The following PDE4D variants were observed in gnomAD, a reference collection of about 807,000 sequenced individuals.
The protein encoded by PDE4D is phosphodiesterase 4D.
PDE4D carries 24 observed loss-of-function variants against 87.4 expected under a neutral mutation model. The observed-to-expected ratio is 0.27, with a 90% CI of 0.20 to 0.39. PDE4D has a LOEUF of 0.39. Ranked by LOEUF, PDE4D falls within the 10% of genes least tolerant of loss-of-function variation. The probability of loss-of-function intolerance (pLI) is 1.00; values close to 1 mark genes in which losing one functional copy is unlikely to be tolerated. For missense variants in PDE4D, 714 were observed against 1,041.0 expected, an observed-to-expected ratio of 0.69 and a Z score of 4.32; for synonymous variants, 384 against 383.2, an observed-to-expected ratio of 1.00 and a Z score of -0.02.
intron 1 of PDE4D, among the ~76,000 whole-genome samples, chr5:59,874,157 C>G (rs1013804314): frequency 1.3e-5 from 2 of 152,094 alleles, no homozygotes; most frequent in Non-Finnish European, 1.5e-5. Flanking sequence ...GAGCCATAAT[C>G]ATGCCACTGC....
At chr5:60,460,633 T>C (rs1746853486) in intron 1 of PDE4D, 2 of 1,215,966 alleles carry the variant, frequency 1.6e-6, no homozygotes, top group South Asian at 1.2e-5. Flanking sequence ...TTTTTCTCCC[T>C]TCCTCAGCAA....
chr5:59,633,806 G>C (rs2150158257), intron 1 of PDE4D, among the ~76,000 whole-genome samples: 1 of 152,258 alleles, frequency 6.6e-6, no homozygotes, highest in East Asian at 1.9e-4. Flanking sequence ...AAAGACCGCT[G>C]ACACTATGAA....
intron 1 of PDE4D, among the ~76,000 whole-genome samples, chr5:60,438,443 CT>C (rs1360489934): frequency 6.6e-6 from 1 of 152,042 alleles, no homozygotes; most frequent in Non-Finnish European, 1.5e-5. Flanking sequence ...TTTTTGTATG[CT>C]TCCCCCTTTA....
At chr5:59,424,902 G>A (rs963821157) in intron 1 of PDE4D, among the ~76,000 whole-genome samples, 3 of 152,094 alleles carry the variant, frequency 2.0e-5, no homozygotes, top group Non-Finnish European at 2.9e-5. Context: ...CAGGATGGTC[G>A]CTTAATATAT....
intron 2 of PDE4D, among the ~76,000 whole-genome samples, chr5:60,059,040 ATGTGTGTG>A (rs70975363): frequency 6.3e-5 from 9 of 142,332 alleles, no homozygotes; most frequent in South Asian, 2.3e-4. Context: ...GCATTGTCAT[ATGTGTGTG>A]TGTGTGTGTG....
At chr5:59,860,160 A>G (rs1235671068) in intron 1 of PDE4D, among the ~76,000 whole-genome samples, 1 of 152,192 alleles carries the variant, frequency 6.6e-6, no homozygotes. Flanking sequence ...CTAAAAAATA[A>G]TGGCTCTCAT....
intron 1 of PDE4D, among the ~76,000 whole-genome samples, chr5:60,507,339 T>C (rs1750369175): frequency 6.6e-6 from 1 of 152,208 alleles, no homozygotes; most frequent in Non-Finnish European, 1.5e-5. Context: ...CCTTCCAAAG[T>C]GCTGGGATTA....
chr5:59,199,942 ATATACATACATG>A (rs1385365539), intron 2 of PDE4D, among the ~76,000 whole-genome samples: 2 of 151,816 alleles, frequency 1.3e-5, no homozygotes, highest in Non-Finnish European at 2.9e-5. Context: ...ATATATACAT[ATATACATACATG>A]TATACATACA....
chr5:60,219,846 G>T (rs942526897), intron 1 of PDE4D, among the ~76,000 whole-genome samples: 1 of 152,162 alleles, frequency 6.6e-6, no homozygotes, highest in African/African-American at 2.4e-5. Context: ...GAAATAAGAT[G>T]CTTGCAGCTA....
At chr5:60,142,826 A>T (rs1034118048) in intron 2 of PDE4D, among the ~76,000 whole-genome samples, 1 of 152,182 alleles carries the variant, frequency 6.6e-6, no homozygotes, top group Non-Finnish European at 1.5e-5. Context: ...AAAAATTTGC[A>T]TGGGGAGCAT....
chr5:58,991,835 G>A lies in PDE4D; in HGVS notation c.1185C>T (p.Ala395=). Reference sequence around the variant, plus strand: ...CTGATCTTTGAAATCATCATACCTTGGCAAGGACATCTTCTTGTTCAGTTT... The same window carrying A: ...CTGATCTTTGAAATCATCATACCTTAGCAAGGACATCTTCTTGTTCAGTTT... ...GVKTEQEDVL[A]KELEDVNKWG... Residue 395 remains alanine, a synonymous_variant, in exon 8 of 15, where the codon GCC becomes GCT. Transcript: ENST00000340635. 6.8e-7 allele frequency: 1 copy of A among 1,479,988 alleles called. No homozygotes were observed. Among genetic ancestry groups the A allele is most frequent in the Non-Finnish European group, 9.0e-7 (1 of 1,114,280 alleles). 91.7% of individuals were successfully genotyped at this position (1,479,988 alleles called of 1,614,324 possible).
At chr5:59,285,742 C>A (rs934610243) in intron 1 of PDE4D, among the ~76,000 whole-genome samples, 11 of 152,152 alleles carry the variant, frequency 7.2e-5, no homozygotes, top group African/African-American at 2.7e-4. Context: ...TTTGGAAGCT[C>A]AATTCAAAGA....
chr5:59,244,534 C>A (rs1237936546), intron 1 of PDE4D, among the ~76,000 whole-genome samples: 2 of 150,198 alleles, frequency 1.3e-5, no homozygotes, highest in Admixed American at 6.7e-5. Flanking sequence ...AGGTCTCTCT[C>A]TCTATATACA....
intron 1 of PDE4D, chr5:60,185,701 G>C (rs921807352): frequency 1.5e-6 from 1 of 684,854 alleles, no homozygotes; most frequent in African/African-American, 1.8e-5. Context: ...AAAAGAAAAG[G>C]AAGGAAATGT....
At chr5:59,004,902 T>C (rs765738612) in intron 6 of PDE4D, among the ~76,000 whole-genome samples, 14 of 152,236 alleles carry the variant, frequency 9.2e-5, no homozygotes, top group Non-Finnish European at 1.6e-4. Context: ...ATCACTGTTC[T>C]ATTTTTTTCA....
chr5:60,405,247 A>G (rs951019943), intron 1 of PDE4D, among the ~76,000 whole-genome samples: 6 of 152,244 alleles, frequency 3.9e-5, no homozygotes, highest in African/African-American at 1.4e-4. Context: ...AATTGCAGCC[A>G]GGCAATAATG....
intron 2 of PDE4D, among the ~76,000 whole-genome samples, chr5:60,117,457 C>T (rs1778268461): frequency 6.6e-6 from 1 of 151,952 alleles, no homozygotes; most frequent in Non-Finnish European, 1.5e-5. Flanking sequence ...AACATAATGC[C>T]AACATTTTAT....
chr5:60,059,070 G>GTGTC (rs1582435237), intron 2 of PDE4D, among the ~76,000 whole-genome samples: 1 of 151,318 alleles, frequency 6.6e-6, no homozygotes, highest in East Asian at 1.9e-4. Flanking sequence ...GTGTGTGTGT[G>GTGTC]TGTCTGTATT....
intron 1 of PDE4D, chr5:59,768,725 A>G: frequency 8.5e-7 from 1 of 1,170,242 alleles, no homozygotes; most frequent in South Asian, 1.7e-5. Flanking sequence ...TCCTCTCCCA[A>G]GCCCCTGCCA....
Sources: allele counts gnomAD v4.1 joint callset (sites outside exome capture counted in the v4.1 genomes callset), GRCh38; gene constraint gnomAD v4.1.1; transcripts MANE v1.5; gene names NCBI Gene and HGNC (gene_info 2026-07-23, HGNC 2026-07-21).